CARMIL1: variants seen among roughly 807,000 people sequenced by gnomAD.
CARMIL1 encodes the protein capping protein regulator and myosin 1 linker 1.
Under a neutral mutation model 177.1 loss-of-function variants are expected in CARMIL1, and 90 were observed. That is an observed-to-expected ratio of 0.51 (90% confidence interval 0.43 to 0.61). The LOEUF (loss-of-function observed/expected upper bound fraction) is 0.61. Ranked by LOEUF, CARMIL1 falls within the 20% of genes least tolerant of loss-of-function variation. The probability of loss-of-function intolerance (pLI) is 0.00; values close to 1 mark genes in which losing one functional copy is unlikely to be tolerated. For missense variants in CARMIL1, 1,380 were observed against 1,667.0 expected (o/e 0.83, Z 3.00); for synonymous variants, 577 against 606.2 (o/e 0.95, Z 0.71).
Position 25,485,121 on chromosome 6 carries a change from C to G in CARMIL1, c.961+2778C>G, listed in dbSNP as rs533174978. Among the ~76,000 whole-genome samples, 18 of 152,190 alleles carry G rather than the reference C, an allele frequency of 1.2e-4. No individual in the cohort carries two copies. In the South Asian group the frequency reaches 3.7e-3, roughly 32 times the overall value. ...AATTCATTTGTTCATTACTATATAACAAATAAAAGGATGTAGTCATCATTT... is the reference window on the plus strand; with the variant it reads ...AATTCATTTGTTCATTACTATATAAGAAATAAAAGGATGTAGTCATCATTT... On this transcript the variant is annotated intron_variant, in intron 12 of 36. Transcript: ENST00000329474.
intron 2 of CARMIL1, among the ~76,000 whole-genome samples, chr6:25,348,441 G>C (rs548812495): frequency 2.0e-5 from 3 of 151,742 alleles, no homozygotes; most frequent in Admixed American, 6.6e-5. Flanking sequence ...TGTTAAACGC[G>C]CTTCTAATCT....
chr6:25,472,319 G>A (rs2150943110), intron 10 of CARMIL1, 108 bp from the exon 11 acceptor site: 4 of 726,612 alleles, frequency 5.5e-6, no homozygotes, highest in Non-Finnish European at 9.4e-6. Context: ...GACTAATATT[G>A]TAAGGGAGGT....
At chr6:25,464,536 C>T (rs1448398940) in intron 8 of CARMIL1, among the ~76,000 whole-genome samples, 3 of 152,120 alleles carry the variant, frequency 2.0e-5, no homozygotes, top group African/African-American at 4.8e-5. Context: ...TTCTTTCCAC[C>T]TTCTGCCTTT....
intron 9 of CARMIL1, among the ~76,000 whole-genome samples, chr6:25,470,624 G>A (rs1801009471): frequency 6.6e-6 from 1 of 152,138 alleles, no homozygotes; most frequent in Non-Finnish European, 1.5e-5. Flanking sequence ...ATAAATAACA[G>A]GTTTATTTTC....
intron 26 of CARMIL1, among the ~76,000 whole-genome samples, chr6:25,546,533 C>G (rs1227903853): frequency 6.6e-6 from 1 of 151,710 alleles, no homozygotes; most frequent in Non-Finnish European, 1.5e-5. Flanking sequence ...GACCTCATCT[C>G]TACAAAAATT....
In CARMIL1 at chr6:25,279,521, T is replaced by G; in HGVS notation, c.-275T>G. The G allele has an allele frequency of 1.9e-6, 1 of 528,670 alleles. No homozygotes were observed. 32.7% of individuals were successfully genotyped at this position (528,670 alleles called of 1,614,324 possible). On this transcript the variant is annotated 5_prime_UTR_variant, in exon 1 of 37. Transcript: ENST00000329474. ...AGCCGCCCCGCGCCCCGCGCCCGCTTGTAATCCGGTCCGCTCCTTATTCAG... is the reference window on the plus strand; with the variant it reads ...AGCCGCCCCGCGCCCCGCGCCCGCTGGTAATCCGGTCCGCTCCTTATTCAG...
In CARMIL1 at chr6:25,279,572, A is replaced by T; in HGVS notation, c.-224A>T. ...CCGCCGGGAACTGCGAGGAGGCGTC[A>T]TGTAGCAGCAGCAGCAAATCCGCCT... On this transcript the variant is annotated 5_prime_UTR_variant, in exon 1 of 37. An upstream start codon of the reference 5' UTR is lost. Transcript: ENST00000329474. 1 of 591,508 alleles carries T rather than the reference A, an allele frequency of 1.7e-6. No individual in the cohort carries two copies. Among genetic ancestry groups the T allele is most frequent in the Admixed American group, 2.9e-5 (1 of 34,816 alleles). 36.6% of individuals were successfully genotyped at this position (591,508 alleles called of 1,614,324 possible). A position where few individuals can be genotyped will look rare whatever the true frequency, so the allele number is the denominator to read the frequency against.
intron 29 of CARMIL1, among the ~76,000 whole-genome samples, chr6:25,576,341 T>C (rs1439460189): frequency 6.6e-6 from 1 of 152,150 alleles, no homozygotes; most frequent in Admixed American, 6.5e-5. Flanking sequence ...TAAGGTATCA[T>C]CAATATTGAA....
intron 8 of CARMIL1, among the ~76,000 whole-genome samples, chr6:25,464,093 A>T (rs1256064850): frequency 1.3e-5 from 2 of 152,120 alleles, no homozygotes; most frequent in African/African-American, 4.8e-5. Flanking sequence ...AAATGCTGGG[A>T]TTACAGGCGT....
intron 15 of CARMIL1, among the ~76,000 whole-genome samples, chr6:25,492,458 C>A (rs905646687): frequency 6.6e-6 from 1 of 152,208 alleles, no homozygotes; most frequent in Admixed American, 6.5e-5. Flanking sequence ...TTCACTTATA[C>A]ACTCCTGACT....
intron 5 of CARMIL1, among the ~76,000 whole-genome samples, chr6:25,441,893 GA>G (rs1231404323): frequency 7.6e-6 from 1 of 130,896 alleles, no homozygotes; most frequent in African/African-American, 2.6e-5. Context: ...AACAAAGCTA[GA>G]TTTTTTTTTT....
At chr6:25,288,478 G>GTTTTT in intron 2 of CARMIL1, among the ~76,000 whole-genome samples, 1 of 133,512 alleles carries the variant, frequency 7.5e-6, no homozygotes, top group Non-Finnish European at 1.6e-5. Flanking sequence ...TAAGAATCAG[G>GTTTTT]TTTTTTTTTT....
intron 29 of CARMIL1, among the ~76,000 whole-genome samples, chr6:25,580,114 TG>T (rs1812991924): frequency 6.6e-6 from 1 of 152,208 alleles, no homozygotes. Context: ...GTTCTGTCCA[TG>T]GCTCTGCTCC....
At chr6:25,605,691 G>A (rs1815887011) in intron 34 of CARMIL1, among the ~76,000 whole-genome samples, 1 of 152,126 alleles carries the variant, frequency 6.6e-6, no homozygotes, top group Admixed American at 6.5e-5. Context: ...ACTTACATTC[G>A]GTTATACCTG....
At chr6:25,550,400 A>G (rs554069862) in intron 26 of CARMIL1, among the ~76,000 whole-genome samples, 2 of 152,228 alleles carry the variant, frequency 1.3e-5, no homozygotes, top group African/African-American at 2.4e-5. Context: ...TAAAATTGGC[A>G]GTAGTTTCTG....
chr6:25,515,945 TC>T lies in CARMIL1; in HGVS notation c.1805+101del. ...TGCTGGGCCCGAGGGGACCTGGGCT[TC>T]CCATGAGGCCATCTTGAGGAGAAGA... On this transcript the variant is annotated intron_variant, in intron 21 of 36. Coordinates refer to ENST00000329474, the MANE Select transcript of CARMIL1 (RefSeq NM_017640.6). This position sits in a 1 kb window ranked among gnomAD's most constrained non-coding sequence, Gnocchi z 5.0. The T allele has an allele frequency of 8.3e-7, 1 of 1,210,726 alleles. No homozygotes were observed. The highest frequency in any genetic ancestry group is 1.1e-6 in the Non-Finnish European group (1 of 883,354). The allele number at this position is 1,210,726 out of a possible 1,614,324, so 75.0% of individuals were successfully genotyped here. A position where few individuals can be genotyped will look rare whatever the true frequency, so the allele number is the denominator to read the frequency against.
At chr6:25,420,543 C>T (rs1795762923) in intron 3 of CARMIL1, among the ~76,000 whole-genome samples, 1 of 132,136 alleles carries the variant, frequency 7.6e-6, no homozygotes, top group South Asian at 2.6e-4. Flanking sequence ...TTATTCAAGT[C>T]TACTTCTTAT....
chr6:25,321,181 A>C (rs935624085), intron 2 of CARMIL1, among the ~76,000 whole-genome samples: 1 of 152,152 alleles, frequency 6.6e-6, no homozygotes, highest in Non-Finnish European at 1.5e-5. Flanking sequence ...CCTGTAGCAT[A>C]GTATATGATA....
intron 2 of CARMIL1, among the ~76,000 whole-genome samples, chr6:25,357,008 A>T (rs1452659784): frequency 6.6e-6 from 1 of 151,050 alleles, no homozygotes; most frequent in Non-Finnish European, 1.5e-5. Flanking sequence ...CAGAATGGCT[A>T]CTTTTAGTGG....
Sources: gnomAD v4.1 joint callset for allele counts (sites outside exome capture counted in the v4.1 genomes callset) on GRCh38, gnomAD v4.1.1 for gene constraint, Gnocchi (gnomAD v3.1) non-coding constraint, MANE v1.5 for transcripts, NCBI Gene and HGNC (gene_info 2026-07-23, HGNC 2026-07-21) for gene names.